PDS5B: variants seen among roughly 807,000 people sequenced by gnomAD.
PDS5B encodes the protein PDS5 cohesin associated factor B, also known as sister chromatid cohesion protein PDS5 homolog B.
In PDS5B, 51 loss-of-function variants were observed where a neutral mutation model predicts 184.1. The observed-to-expected ratio is 0.28, with a 90% CI of 0.22 to 0.35. PDS5B has a LOEUF of 0.35. Among genes scored for constraint, PDS5B ranks in the 10% least tolerant of loss-of-function variants. PDS5B has a pLI of 1.00. For missense variants in PDS5B, 1,180 were observed against 1,723.3 expected (o/e 0.68, Z 5.58); for synonymous variants, 566 against 569.2 (o/e 0.99, Z 0.08).
At chr13:32,636,798 GA>G (rs2058568700) in intron 1 of PDS5B, among the ~76,000 whole-genome samples, 2 of 152,216 alleles carry the variant, frequency 1.3e-5, no homozygotes, top group Admixed American at 1.3e-4. Flanking sequence ...TTACATTTAT[GA>G]TAAATTCTTT....
At chr13:32,756,207 A>C (rs1056126090) in intron 26 of PDS5B, among the ~76,000 whole-genome samples, 1 of 152,038 alleles carries the variant, frequency 6.6e-6, no homozygotes, top group African/African-American at 2.4e-5. Flanking sequence ...TTCCTTTTCT[A>C]TTGAAGTAAT....
chr13:32,646,177 T>A (rs1242596233), intron 1 of PDS5B, among the ~76,000 whole-genome samples: 2 of 152,012 alleles, frequency 1.3e-5, no homozygotes, highest in African/African-American at 4.8e-5. Flanking sequence ...GCTAATTTAT[T>A]TTTATTTTTT....
In PDS5B at chr13:32,675,977, C is replaced by T. The variant is rs763870293; in HGVS notation, c.962+18C>T. 1.1e-5 allele frequency: 17 copies of T among 1,495,672 alleles called. No homozygotes were observed. The highest frequency in any genetic ancestry group is 1.6e-5 in the Non-Finnish European group (17 of 1,072,916). 92.7% of individuals were successfully genotyped at this position (1,495,672 alleles called of 1,614,324 possible). On this transcript the variant is annotated intron_variant, in intron 9 of 34. Transcript: ENST00000315596. ...TTGGGCAGGTATATGATTTTGGTTT[C>T]CCATTTAAAAGTAATACATTATTCT...
intron 1 of PDS5B, among the ~76,000 whole-genome samples, chr13:32,594,350 C>T (rs2057823676): frequency 6.6e-6 from 1 of 152,206 alleles, no homozygotes; most frequent in South Asian, 2.1e-4. Context: ...TGTTTGCATA[C>T]TTCCATACTG....
chr13:32,702,397 A>G (rs753183975), intron 17 of PDS5B, among the ~76,000 whole-genome samples: 2 of 152,194 alleles, frequency 1.3e-5, no homozygotes, highest in Non-Finnish European at 2.9e-5. Flanking sequence ...AATCAGACAA[A>G]TTTATTAAGT....
chr13:32,671,421 G>A (rs1009269131), intron 7 of PDS5B, among the ~76,000 whole-genome samples: 9 of 152,050 alleles, frequency 5.9e-5, no homozygotes, highest in Non-Finnish European at 7.4e-5. Flanking sequence ...CTTTATTAAG[G>A]AATATACTAT....
At chr13:32,640,078 G>A (rs2058632173) in intron 1 of PDS5B, among the ~76,000 whole-genome samples, 1 of 151,954 alleles carries the variant, frequency 6.6e-6, no homozygotes, top group Non-Finnish European at 1.5e-5. Context: ...TTTTACTACA[G>A]TCTCTTGTTT....
chr13:32,614,541 GC>G (rs901149520), intron 1 of PDS5B, among the ~76,000 whole-genome samples: 1 of 152,026 alleles, frequency 6.6e-6, no homozygotes, highest in Admixed American at 6.5e-5. Flanking sequence ...CAAGTGAGCT[GC>G]CCGCCTTGGC....
chr13:32,659,262 T>C lies in PDS5B; in HGVS notation c.606T>C (p.Asn202=). ...SQELLDTVLV[N]LVPAHKNLNK... The stretch of plus-strand genomic sequence containing the variant: ...AGCTTTTGGATACGGTTTTAGTAAA[T>C]CTGGTACCTGCTCATAAGGTGAGTA... Residue 202 remains asparagine (N), a synonymous_variant, in exon 6 of 35, where the codon AAT becomes AAC. Transcript: ENST00000315596. 2 of 1,587,554 alleles carry C rather than the reference T, an allele frequency of 1.3e-6. No individual in the cohort carries two copies. The highest frequency in any genetic ancestry group is 8.6e-7 in the Non-Finnish European group (1 of 1,163,166).
At chr13:32,765,696 C>T (rs1041245107) in intron 31 of PDS5B, among the ~76,000 whole-genome samples, 5 of 152,312 alleles carry the variant, frequency 3.3e-5, no homozygotes, top group East Asian at 1.9e-4. Flanking sequence ...CTCCGCTTCC[C>T]GGGTTCAGGT....
chr13:32,771,288 T>C (rs901934499), intron 33 of PDS5B, among the ~76,000 whole-genome samples: 2 of 152,200 alleles, frequency 1.3e-5, no homozygotes, highest in Non-Finnish European at 2.9e-5. Context: ...ACCCAGTTCA[T>C]TTATCTACAT....
At chr13:32,773,712 A>G (rs1325931017) in intron 34 of PDS5B, among the ~76,000 whole-genome samples, 2 of 152,220 alleles carry the variant, frequency 1.3e-5, no homozygotes, top group African/African-American at 4.8e-5. Context: ...ACAGAATAAA[A>G]TCAGCCTTTG....
intron 31 of PDS5B, among the ~76,000 whole-genome samples, chr13:32,767,696 A>G (rs1021599859): frequency 2.6e-4 from 39 of 152,188 alleles, no homozygotes; most frequent in African/African-American, 9.4e-4. Flanking sequence ...ACCTATATGT[A>G]GAAAATCTCA....
intron 6 of PDS5B, 42 bp downstream of exon 6, chr13:32,659,322 A>AT (rs1566295309): frequency 7.0e-7 from 1 of 1,436,418 alleles, no homozygotes. Flanking sequence ...ATGCCCGTTA[A>AT]TATTAAGGCT....
Position 32,750,747 on chromosome 13 carries a change from G to A in PDS5B, c.2737-2585G>A, listed in dbSNP as rs147623429. 9.5e-3 allele frequency among the ~76,000 whole-genome samples: 1,447 copies of A among 152,112 alleles called. 33 individuals are homozygous for A. Among genetic ancestry groups the A allele is most frequent in the Admixed American group, 0.048 (738 of 15,276 alleles). Reference sequence around the variant, plus strand: ...AGTAGAAACAGGGCTTCACCATGTTGGCCAGGCTGGTCTCGAACTCCTGAC... The same window carrying A: ...AGTAGAAACAGGGCTTCACCATGTTAGCCAGGCTGGTCTCGAACTCCTGAC... On this transcript the variant is annotated intron_variant, in intron 24 of 34. Transcript: ENST00000315596.
At chr13:32,770,035 A>T in intron 31 of PDS5B, 86 bp from the exon 32 acceptor site, 1 of 1,137,208 alleles carries the variant, frequency 8.8e-7, no homozygotes, top group Non-Finnish European at 1.3e-6. Flanking sequence ...GGACAACATT[A>T]GATAACAGAT....
At chr13:32,698,848 G>C (rs1016080402) in intron 15 of PDS5B, among the ~76,000 whole-genome samples, 1 of 151,890 alleles carries the variant, frequency 6.6e-6, no homozygotes, top group African/African-American at 2.4e-5. Flanking sequence ...CCGCCTCCCG[G>C]GTTCAAGCAG....
At chr13:32,760,338 C>T (rs1014799340) in intron 29 of PDS5B, among the ~76,000 whole-genome samples, 6 of 152,174 alleles carry the variant, frequency 3.9e-5, no homozygotes, top group African/African-American at 1.4e-4. Context: ...TTTGTTCTCA[C>T]TTTTTATGTA....
chr13:32,731,620 A>G lies in PDS5B; in HGVS notation c.2124-481A>G, dbSNP rs1953125411. Among the ~76,000 whole-genome samples the G allele has an allele frequency of 5.3e-5, 8 of 151,728 alleles. 1 individual carries two copies. The highest frequency in any genetic ancestry group is 5.3e-4 in the Admixed American group (8 of 15,238). On this transcript the variant is annotated intron_variant, in intron 19 of 34. Transcript: ENST00000315596. ...TCAAGTTAAATATTGGAGCCTTTTA[A>G]TAGTCCCTGGCATGTAATATTGCTT...
Sources: gnomAD v4.1 joint callset for allele counts (sites outside exome capture counted in the v4.1 genomes callset) on GRCh38, gnomAD v4.1.1 for gene constraint, MANE v1.5 for transcripts, NCBI Gene and HGNC (gene_info 2026-07-23, HGNC 2026-07-21) for gene names.